The following DMC1 variants were observed in gnomAD, a reference collection of about 807,000 sequenced individuals.
DMC1 encodes the protein DNA meiotic recombinase 1.
A neutral mutation model predicts 50.1 loss-of-function variants in DMC1; 27 were observed. The ratio of observed to expected loss-of-function variants is 0.54; its 90% CI spans 0.40 to 0.74. DMC1 has a LOEUF of 0.74. Ranked by LOEUF, DMC1 falls within the 30% of genes least tolerant of loss-of-function variation. The probability of loss-of-function intolerance (pLI) is 0.00; values close to 1 mark genes in which losing one functional copy is unlikely to be tolerated. For synonymous variants in DMC1, 148 were observed against 136.1 expected, an observed-to-expected ratio of 1.09 and a Z score of -0.61; for missense variants, 295 against 420.2, an observed-to-expected ratio of 0.70 and a Z score of 2.60.
chr22:38,540,670 C>T (rs1251718617), intron 8 of DMC1, among the ~76,000 whole-genome samples: 1 of 152,110 alleles, frequency 6.6e-6, no homozygotes, highest in Non-Finnish European at 1.5e-5. Flanking sequence ...CATTTATATC[C>T]TAATGCACTA....
intron 7 of DMC1, among the ~76,000 whole-genome samples, 165 bp downstream of exon 7, chr22:38,552,501 C>G (rs1206912402): frequency 6.6e-6 from 1 of 152,148 alleles, no homozygotes; most frequent in African/African-American, 2.4e-5. Flanking sequence ...ATCACACATT[C>G]AAAGACCAGC....
intron 8 of DMC1, among the ~76,000 whole-genome samples, chr22:38,540,904 G>A (rs1300632984): frequency 6.6e-6 from 1 of 152,212 alleles, no homozygotes; most frequent in Non-Finnish European, 1.5e-5. Context: ...CACTGACTGA[G>A]TGGTTAAGTT....
chr22:38,515,922 A>C (rs2089973840), downstream of DMC1, among the ~76,000 whole-genome samples: 1 of 152,180 alleles, frequency 6.6e-6, no homozygotes, highest in South Asian at 2.1e-4. Flanking sequence ...TTTTCTGGTA[A>C]CAGTATGTTT....
chr22:38,513,251 G>GCCCCTGCTC, the DMC1 span, among the ~76,000 whole-genome samples: 3 of 152,208 alleles, frequency 2.0e-5, no homozygotes, highest in African/African-American at 4.8e-5. Flanking sequence ...AGGCCCTGCT[G>GCCCCTGCTC]CCCCTGCTCC....
Position 38,568,291 on chromosome 22 carries a change from T to A in DMC1, c.-33-2A>T, listed in dbSNP as rs1488429120. 6.2e-7 allele frequency: 1 copy of A among 1,607,554 alleles called. No individual in the cohort carries two copies. The highest frequency in any genetic ancestry group is 1.7e-5 in the Admixed American group (1 of 60,000). ...TGGGCAACAGAAAAATAATCACTTC[T>A]GGGAAAATAAGAAATATTATGTAAG... On this transcript the variant is annotated splice_acceptor_variant, in intron 1 of 13. Transcript: ENST00000216024. LOFTEE classifies it low-confidence loss of function (5UTR_SPLICE).
chr22:38,509,261 C>T, the DMC1 span, among the ~76,000 whole-genome samples: 1 of 151,990 alleles, frequency 6.6e-6, no homozygotes, highest in Admixed American at 6.6e-5. Context: ...AGATCAACCC[C>T]TTGCCTCGGT....
chr22:38,520,169 G>A, intron 13 of DMC1, 80 bp from the exon 14 acceptor site: 3 of 1,203,156 alleles, frequency 2.5e-6, no homozygotes, highest in Non-Finnish European at 3.7e-6. Flanking sequence ...GGCATTATGT[G>A]CCCATCAGTC....
intron 8 of DMC1, 105 bp from the exon 9 acceptor site, chr22:38,539,517 A>C: frequency 2.3e-6 from 2 of 877,634 alleles, no homozygotes; most frequent in Non-Finnish European, 3.8e-6. Flanking sequence ...AAGCCAAACA[A>C]TGTACCTGTG....
At chr22:38,526,777 T>G (rs1453510236) in intron 12 of DMC1, among the ~76,000 whole-genome samples, 8 of 152,178 alleles carry the variant, frequency 5.3e-5, no homozygotes, top group Admixed American at 5.2e-4. Flanking sequence ...TAGTAAATAA[T>G]TTCAGATTAA....
At chr22:38,558,952 C>A (rs2090496572) in intron 5 of DMC1, among the ~76,000 whole-genome samples, 1 of 152,176 alleles carries the variant, frequency 6.6e-6, no homozygotes, top group South Asian at 2.1e-4. Flanking sequence ...TTCTCCAAGC[C>A]TCTTCCTTAA....
chr22:38,542,143 C>G (rs2090288380), intron 8 of DMC1, among the ~76,000 whole-genome samples: 1 of 149,426 alleles, frequency 6.7e-6, no homozygotes, highest in South Asian at 2.1e-4. Context: ...CCTCTAAGAT[C>G]TGGAACAAGT....
Position 38,551,262 on chromosome 22 carries a change from A to G in DMC1, c.422-1265T>C, listed in dbSNP as rs1006363973. Among the ~76,000 whole-genome samples, 3 of 151,172 alleles carry G rather than the reference A, an allele frequency of 2.0e-5. No homozygotes were observed. In the East Asian group the frequency reaches 5.8e-4, roughly 29 times the overall value. On this transcript the variant is annotated intron_variant, in intron 7 of 13. Transcript: ENST00000216024. ...GACTCCGTCTCAAAAAAAAAAAGTC[A>G]CAAATATAATTTATGCTATATAACT...
downstream of DMC1, among the ~76,000 whole-genome samples, chr22:38,515,217 C>A (rs552137416): frequency 8.0e-5 from 12 of 150,942 alleles, no homozygotes; most frequent in Non-Finnish European, 7.4e-5. Context: ...GTGGCTCACG[C>A]CTGTAATCGC....
chr22:38,542,593 T>C (rs1338421799), intron 8 of DMC1, among the ~76,000 whole-genome samples: 1 of 152,030 alleles, frequency 6.6e-6, no homozygotes, highest in Non-Finnish European at 1.5e-5. Flanking sequence ...TGTTCATGAG[T>C]TGGAAGAATC....
chr22:38,541,907 G>T (rs1248293725), intron 8 of DMC1, among the ~76,000 whole-genome samples: 2 of 151,498 alleles, frequency 1.3e-5, no homozygotes, highest in Non-Finnish European at 2.9e-5. Context: ...TGCAAGGATG[G>T]TTCAACATAT....
At chr22:38,553,839 G>A (rs2090440108) in intron 6 of DMC1, among the ~76,000 whole-genome samples, 1 of 151,110 alleles carries the variant, frequency 6.6e-6, no homozygotes, top group African/African-American at 2.4e-5. Flanking sequence ...TGCACCTATA[G>A]TCCCAGCTAC....
intron 7 of DMC1, among the ~76,000 whole-genome samples, chr22:38,551,315 T>C (rs2090408441): frequency 6.6e-6 from 1 of 152,160 alleles, no homozygotes; most frequent in Admixed American, 6.5e-5. Context: ...TTAATGTATG[T>C]CAAATTTTAA....
In DMC1 at chr22:38,538,329, G is replaced by A. The variant is rs199712228; in HGVS notation, c.741C>T (p.Ala247=). ...TTTTTTGGAGTCGTGACAACATCTGGGCCAATTTTTGCTGCCGTTCGGCCA... is the reference window on the plus strand; with the variant it reads ...TTTTTTGGAGTCGTGACAACATCTGAGCCAATTTTTGCTGCCGTTCGGCCA... ...GELAERQQKL[A]QMLSRLQKIS... is the part of the protein sequence containing the mutation. Residue 247 remains alanine, a synonymous_variant, in exon 11 of 14, where the codon GCC becomes GCT. Coordinates refer to ENST00000216024, the MANE Select transcript of DMC1 (RefSeq NM_007068.4). The A allele has an allele frequency of 1.2e-6, 2 of 1,613,912 alleles. No homozygotes were observed. The highest frequency in any genetic ancestry group is 1.7e-5 in the Admixed American group (1 of 59,962).
intron 11 of DMC1, 145 bp downstream of exon 11, chr22:38,538,150 C>CAAA: frequency 3.2e-6 from 2 of 623,054 alleles, no homozygotes; most frequent in Non-Finnish European, 5.3e-6. Flanking sequence ...TCTCAAAAAA[C>CAAA]AAAAAAAAAA....
Sources: allele counts gnomAD v4.1 joint callset (sites outside exome capture counted in the v4.1 genomes callset), GRCh38; gene constraint gnomAD v4.1.1; transcripts MANE v1.5; gene names NCBI Gene and HGNC (gene_info 2026-07-23, HGNC 2026-07-21).